RTTN: variants seen among roughly 807,000 people sequenced by gnomAD.
RTTN encodes rotatin.
In RTTN, 182 loss-of-function variants were observed where a neutral mutation model predicts 269.2. That is an observed-to-expected ratio of 0.68 (90% CI 0.60 to 0.76). The LOEUF (loss-of-function observed/expected upper bound fraction) is 0.76, where lower values mean the gene tolerates loss of function less well. Among genes scored for constraint, RTTN ranks in the 30% least tolerant of loss-of-function variants. RTTN has a pLI of 0.00. For missense variants in RTTN, 2,545 were observed against 2,608.6 expected (o/e 0.98, Z 0.53); for synonymous variants, 1,006 against 963.5 (o/e 1.04, Z -0.82).
intron 5 of RTTN, among the ~76,000 whole-genome samples, chr18:70,198,254 T>C (rs936143047): frequency 1.4e-4 from 22 of 152,136 alleles, no homozygotes; most frequent in African/African-American, 4.8e-4. Flanking sequence ...TTGGCAGTTG[T>C]TCACTCCCCA....
chr18:70,126,481 T>C (rs1405283447), intron 25 of RTTN, among the ~76,000 whole-genome samples: 1 of 152,114 alleles, frequency 6.6e-6, no homozygotes, highest in East Asian at 1.9e-4. Context: ...GGAGCTACCA[T>C]GTAACATGAA....
chr18:70,031,042 T>A lies in RTTN; in HGVS notation c.5542-61A>T. The A allele has an allele frequency of 1.1e-5, 13 of 1,131,610 alleles. No individual in the cohort carries two copies. The South Asian group carries it at 1.8e-4, about 16-fold the overall frequency. The allele number at this position is 1,131,610 out of a possible 1,614,324, so 70.1% of individuals were successfully genotyped here. A position where few individuals can be genotyped will look rare whatever the true frequency, so the allele number is the denominator to read the frequency against. On this transcript the variant is annotated intron_variant, in intron 40 of 48. Coordinates refer to ENST00000640769, the MANE Select transcript of RTTN (RefSeq NM_173630.4). ...TATTTAATCTGGAGCAAAACTGTTG[T>A]GAATAAAGAACATTTTCTACTTAAA...
intron 29 of RTTN, 81 bp downstream of exon 29, chr18:70,092,595 T>C: frequency 6.7e-7 from 1 of 1,495,678 alleles, no homozygotes; most frequent in South Asian, 1.3e-5. Context: ...TGTGGCAAGT[T>C]TATATGCTTG....
chr18:70,036,026 G>A (rs974097694), intron 40 of RTTN, among the ~76,000 whole-genome samples: 1 of 152,100 alleles, frequency 6.6e-6, no homozygotes, highest in Admixed American at 6.6e-5. Flanking sequence ...CAGTCAGAAT[G>A]GCTACTAAGA....
chr18:70,123,374 T>G (rs759419298), intron 25 of RTTN, among the ~76,000 whole-genome samples: 1 of 152,114 alleles, frequency 6.6e-6, no homozygotes, highest in African/African-American at 2.4e-5. Context: ...TTTAGCTATT[T>G]TGAAACATAT....
intron 35 of RTTN, among the ~76,000 whole-genome samples, chr18:70,061,555 G>A (rs2057987175): frequency 6.6e-6 from 1 of 152,064 alleles, no homozygotes; most frequent in Non-Finnish European, 1.5e-5. Flanking sequence ...TTTTATCTAC[G>A]AATTAAAAAT....
At chr18:70,011,372 G>A (rs185554668) in intron 46 of RTTN, among the ~76,000 whole-genome samples, 17 of 152,232 alleles carry the variant, frequency 1.1e-4, no homozygotes, top group East Asian at 9.6e-4. Flanking sequence ...CCAGCAGCAC[G>A]TCAAAAAGCT....
At chr18:70,092,598 T>C in intron 29 of RTTN, 78 bp downstream of exon 29, 2 of 1,505,216 alleles carry the variant, frequency 1.3e-6, no homozygotes, top group Admixed American at 2.1e-5. Flanking sequence ...GGCAAGTTTA[T>C]ATGCTTGAAA....
intron 27 of RTTN, among the ~76,000 whole-genome samples, chr18:70,110,932 T>C (rs1437681371): frequency 1.3e-5 from 2 of 152,176 alleles, no homozygotes; most frequent in Admixed American, 1.3e-4. Flanking sequence ...ACTCACAGTG[T>C]AAACTAAGCC....
Position 70,169,065 on chromosome 18 carries a change from T to G in RTTN, c.1479A>C (p.Ala493=). Residue 493 remains alanine, a splice_region_variant and synonymous_variant, in exon 12 of 49, where the codon GCA becomes GCC. Coordinates refer to ENST00000640769, the MANE Select transcript of RTTN (RefSeq NM_173630.4). ...LLQTLLPVEK[A]SEFLSEPMST... is the part of the protein sequence containing the mutation. ...ACATAGGCTCTGATAAAAACTCGCT[T>G]GCCTTGGTGAATTAAAAAAACAAAA... The G allele has an allele frequency of 6.4e-7, 1 of 1,567,988 alleles. No individual in the cohort carries two copies. The highest frequency in any genetic ancestry group is 8.6e-7 in the Non-Finnish European group (1 of 1,166,186).
intron 25 of RTTN, 36 bp from the exon 26 acceptor site, chr18:70,121,736 C>T: frequency 1.3e-6 from 2 of 1,505,198 alleles, no homozygotes; most frequent in Non-Finnish European, 1.8e-6. Flanking sequence ...GTTTCTGGCG[C>T]TTTAAAATAC....
intron 44 of RTTN, chr18:70,021,101 A>G (rs544491104): frequency 6.8e-5 from 19 of 278,122 alleles, no homozygotes; most frequent in Non-Finnish European, 2.0e-5. Flanking sequence ...GCTAAAGAAA[A>G]CATCTAAATA....
intron 13 of RTTN, 60 bp from the exon 14 acceptor site, chr18:70,166,248 T>G: frequency 6.4e-7 from 1 of 1,555,946 alleles, no homozygotes; most frequent in Non-Finnish European, 8.8e-7. Context: ...AGCAAAAGAC[T>G]GCAAAGCATA....
At chr18:70,039,407 GAA>G (rs796677303) in intron 40 of RTTN, among the ~76,000 whole-genome samples, 4 of 141,776 alleles carry the variant, frequency 2.8e-5, no homozygotes, top group African/African-American at 5.2e-5. Flanking sequence ...GTGCTGCAGG[GAA>G]AAAAAAAAAG....
chr18:70,062,457 C>A lies in RTTN; in HGVS notation c.4748-2415G>T, dbSNP rs553021449. 2.6e-5 allele frequency among the ~76,000 whole-genome samples: 4 copies of A among 152,164 alleles called. No homozygotes were observed. The East Asian group carries it at 7.7e-4, about 29-fold the overall frequency. ...TGTTTTCTTTCTACACAAATAGATA[C>A]ACGTATTTTAAATTTCCCCTTCTTT... On this transcript the variant is annotated intron_variant, in intron 35 of 48. Transcript: ENST00000640769.
At chr18:70,094,801 C>T (rs2058953033) in intron 28 of RTTN, among the ~76,000 whole-genome samples, 3 of 150,196 alleles carry the variant, frequency 2.0e-5, no homozygotes, top group South Asian at 4.2e-4. Flanking sequence ...CTATTAGGTC[C>T]GCTTGGTCCA....
rs764877763 is a variant in RTTN, at chr18:70,128,417, T to C, written c.3084A>G (p.Ser1028=). The C allele has an allele frequency of 1.3e-5, 21 of 1,613,210 alleles. No homozygotes were observed. In the Admixed American group the frequency reaches 3.0e-4, roughly 23 times the overall value. Residue 1028 remains serine, a synonymous_variant, in exon 24 of 49, where the codon TCA becomes TCG. Coordinates refer to ENST00000640769, the MANE Select transcript of RTTN (RefSeq NM_173630.4). ...ACAGATTATCACTCCCATGATACCA[T>C]GACAGGTTCCAAGCTATTCTCAGCA... is the stretch of plus-strand genomic sequence containing the variant. ...SDMLRIAWNL[S]WYHGSDNLLK... is the part of the protein sequence containing the mutation.
At position 70,065,873 on chromosome 18, in the gene RTTN, G is replaced by A; in HGVS notation, c.4703C>T (p.Thr1568Ile). The A allele has an allele frequency of 6.2e-7, 1 of 1,602,470 alleles. No individual in the cohort carries two copies. The highest frequency in any genetic ancestry group is 8.5e-7 in the Non-Finnish European group (1 of 1,173,278). The change falls in exon 35 of 49, where the codon ACA becomes ATA. Residue 1568 changes from threonine (T) to isoleucine (I), a missense_variant. Coordinates refer to ENST00000640769, the MANE Select transcript of RTTN (RefSeq NM_173630.4). The stretch of plus-strand genomic sequence containing the variant: ...ATGGGAGGCTTCAGGTAGAAGTGTT[G>A]TTGACTGCACAAGTGGCTGAAATTC... Reference protein sequence around the residue: ...STEFQPLVQSTTLLPEASHDQ... With the variant: ...STEFQPLVQSITLLPEASHDQ...
chr18:70,127,975 A>AAGAC (rs575594450), intron 24 of RTTN: 2 of 506,252 alleles, frequency 4.0e-6, no homozygotes, highest in African/African-American at 3.8e-5. Flanking sequence ...TTATTCACTT[A>AAGAC]AGACAGACAG....
Sources: allele counts gnomAD v4.1 joint callset (sites outside exome capture counted in the v4.1 genomes callset), GRCh38; gene constraint gnomAD v4.1.1; transcripts MANE v1.5; gene names NCBI Gene and HGNC (gene_info 2026-07-23, HGNC 2026-07-21).